LTBP1: variants seen among roughly 807,000 people sequenced by gnomAD.
LTBP1 encodes the protein latent-transforming growth factor beta-binding protein 1.
A neutral mutation model predicts 207.6 loss-of-function variants in LTBP1; 129 were observed. The observed-to-expected ratio is 0.62, with a 90% CI of 0.54 to 0.72. The LOEUF (loss-of-function observed/expected upper bound fraction) is 0.72. LTBP1 is among the 30% of genes least tolerant of loss of function. LTBP1 has a pLI of 0.00. For synonymous variants in LTBP1, 963 were observed against 833.7 expected (o/e 1.16, Z -2.67); for missense variants, 2,281 against 2,217.2 (o/e 1.03, Z -0.58).
intron 3 of LTBP1, chr2:33,056,332 TTTATTTG>T (rs2076998770): frequency 1.7e-6 from 2 of 1,192,064 alleles, no homozygotes; most frequent in African/African-American, 3.1e-5. Context: ...TTTGTTTGCA[TTTATTTG>T]CTTTTGGCTT....
intron 4 of LTBP1, among the ~76,000 whole-genome samples, chr2:33,122,434 A>C (rs1434116590): frequency 4.6e-5 from 7 of 152,192 alleles, no homozygotes; most frequent in Non-Finnish European, 1.0e-4. Flanking sequence ...GCCACAGTGG[A>C]CTGGAAAGCG....
chr2:33,324,530 C>A (rs1188962709), intron 24 of LTBP1, among the ~76,000 whole-genome samples: 1 of 151,910 alleles, frequency 6.6e-6, no homozygotes, highest in Non-Finnish European at 1.5e-5. Context: ...TCATTGGTTT[C>A]CTTATTATGT....
At position 32,947,752 on chromosome 2, in the gene LTBP1, T is replaced by C; in HGVS notation, c.428T>C (p.Val143Ala). ...KQGRQVVRSK[V>A]PQETQSGGGS... is the part of the protein sequence containing the mutation. The stretch of plus-strand genomic sequence containing the variant: ...GGCAGGCAAGTTGTGCGCTCCAAGG[T>C]GCCGCAGGAGACCCAGAGCGGCGGA... The change falls in exon 1 of 34, where the codon GTG becomes GCG. Residue 143 changes from valine to alanine, a missense_variant. This residue lies in a region of LTBP1 where 555 missense variants were observed against 491.0 expected (regional missense o/e 1.13). Coordinates refer to ENST00000404816, the MANE Select transcript of LTBP1 (RefSeq NM_206943.4). The C allele has an allele frequency of 6.5e-7, 1 of 1,531,556 alleles. No homozygotes were observed. The highest frequency in any genetic ancestry group is 1.4e-5 in the African/African-American group (1 of 70,004). 94.9% of individuals were successfully genotyped at this position (1,531,556 alleles called of 1,614,324 possible). A position where few individuals can be genotyped will look rare whatever the true frequency, so the allele number is the denominator to read the frequency against.
chr2:33,397,365 T>C, intron 33 of LTBP1, 83 bp downstream of exon 33: 1 of 1,513,676 alleles, frequency 6.6e-7, no homozygotes, highest in Non-Finnish European at 9.1e-7. Context: ...TTAAGATAGA[T>C]TTGCTGAGTT....
At chr2:33,237,501 A>T (rs2149672978) in intron 9 of LTBP1, among the ~76,000 whole-genome samples, 1 of 152,362 alleles carries the variant, frequency 6.6e-6, no homozygotes, top group South Asian at 2.1e-4. Flanking sequence ...CTACATTTTC[A>T]TTAAAAAGTC....
chr2:33,076,387 G>A (rs2078081216), intron 3 of LTBP1, among the ~76,000 whole-genome samples: 1 of 152,162 alleles, frequency 6.6e-6, no homozygotes, highest in Non-Finnish European at 1.5e-5. Flanking sequence ...AGAGGTGAAG[G>A]AAGGATTAAT....
At chr2:33,014,044 T>C (rs150482817) in intron 2 of LTBP1, among the ~76,000 whole-genome samples, 3 of 152,260 alleles carry the variant, frequency 2.0e-5, no homozygotes, top group African/African-American at 7.2e-5. Flanking sequence ...TTGTGTGACT[T>C]GACGATCTGA....
intron 2 of LTBP1, among the ~76,000 whole-genome samples, chr2:32,975,560 G>A (rs1489552739): frequency 1.2e-5 from 1 of 81,718 alleles, no homozygotes; most frequent in East Asian, 3.8e-4. Flanking sequence ...TCCCATATTT[G>A]TTGGAGGTTT....
chr2:33,070,202 C>A (rs527745022), intron 3 of LTBP1, among the ~76,000 whole-genome samples: 9 of 152,312 alleles, frequency 5.9e-5, no homozygotes, highest in Admixed American at 2.6e-4. Context: ...CACAAAAAAA[C>A]AAACTCAGAA....
intron 31 of LTBP1, among the ~76,000 whole-genome samples, chr2:33,388,825 T>C (rs970731673): frequency 1.3e-5 from 2 of 152,186 alleles, no homozygotes; most frequent in Non-Finnish European, 2.9e-5. Context: ...AAAATGTTTT[T>C]GATGATAACT....
intron 9 of LTBP1, among the ~76,000 whole-genome samples, chr2:33,241,165 A>G (rs1348390552): frequency 6.6e-6 from 1 of 151,094 alleles, no homozygotes. Context: ...AAGCTGTGAG[A>G]ATGTGTCACA....
intron 7 of LTBP1, among the ~76,000 whole-genome samples, chr2:33,198,406 G>A (rs2088820254): frequency 6.6e-6 from 1 of 152,152 alleles, no homozygotes; most frequent in Non-Finnish European, 1.5e-5. Flanking sequence ...GATGATGCTG[G>A]CCTCATAAAA....
chr2:33,337,083 C>A (rs2094561775), intron 24 of LTBP1, among the ~76,000 whole-genome samples: 1 of 152,206 alleles, frequency 6.6e-6, no homozygotes, highest in Non-Finnish European at 1.5e-5. Context: ...ACCCTGCCTT[C>A]TTTCCATACT....
At chr2:33,338,122 A>G (rs1003908789) in intron 24 of LTBP1, among the ~76,000 whole-genome samples, 4 of 152,184 alleles carry the variant, frequency 2.6e-5, no homozygotes, top group African/African-American at 7.2e-5. Flanking sequence ...TGAGAATTAC[A>G]TTATATCATT....
intron 26 of LTBP1, among the ~76,000 whole-genome samples, chr2:33,356,429 C>G (rs1274977444): frequency 2.6e-5 from 4 of 152,158 alleles, no homozygotes; most frequent in Non-Finnish European, 5.9e-5. Context: ...CCTGTAATCC[C>G]AGCACTTTGG....
chr2:32,966,737 G>T (rs1194974076), intron 2 of LTBP1, among the ~76,000 whole-genome samples: 1 of 152,084 alleles, frequency 6.6e-6, no homozygotes, highest in Non-Finnish European at 1.5e-5. Context: ...CCATTTGGTT[G>T]TGTATAATTG....
chr2:32,948,983 C>A, intron 2 of LTBP1, 38 bp downstream of exon 2: 1 of 1,604,970 alleles, frequency 6.2e-7, no homozygotes, highest in Non-Finnish European at 8.5e-7. Context: ...GCACAGTAGG[C>A]AAAGTGGGGG....
At chr2:33,028,491 A>G (rs2075539065) in intron 3 of LTBP1, among the ~76,000 whole-genome samples, 1 of 152,158 alleles carries the variant, frequency 6.6e-6, no homozygotes, top group Non-Finnish European at 1.5e-5. Flanking sequence ...AACATGGTGA[A>G]ACCCTGTCTC....
intron 5 of LTBP1, among the ~76,000 whole-genome samples, chr2:33,186,367 A>G (rs2087199846): frequency 1.3e-5 from 2 of 152,172 alleles, no homozygotes; most frequent in Admixed American, 1.3e-4. Context: ...TGAGGTGAGC[A>G]AATACTTATT....
Sources: allele counts gnomAD v4.1 joint callset (sites outside exome capture counted in the v4.1 genomes callset), GRCh38; gene constraint gnomAD v4.1.1; regional missense constraint gnomAD v4.1.1; transcripts MANE v1.5; gene names NCBI Gene and HGNC (gene_info 2026-07-23, HGNC 2026-07-21).